The following NEK7 variants were observed in gnomAD, a reference collection of about 807,000 sequenced individuals.
The protein encoded by NEK7 is serine/threonine-protein kinase Nek7.
A neutral mutation model predicts 44.6 loss-of-function variants in NEK7; 18 were observed. The ratio of observed to expected loss-of-function variants is 0.40; its 90% CI spans 0.28 to 0.60. The LOEUF is 0.60. NEK7 is among the 20% of genes least tolerant of loss of function. The pLI, the probability that NEK7 is intolerant of heterozygous loss-of-function variation, is 0.38. For synonymous variants in NEK7, 130 were observed against 121.1 expected, an observed-to-expected ratio of 1.07 and a Z score of -0.48; for missense variants, 256 against 366.5, an observed-to-expected ratio of 0.70 and a Z score of 2.46.
chr1:198,312,727 G>T (rs1197683133), intron 9 of NEK7, among the ~76,000 whole-genome samples: 1 of 151,236 alleles, frequency 6.6e-6, no homozygotes, highest in African/African-American at 2.4e-5. Context: ...AGGTTGTTCA[G>T]TTTCCATGTA....
intron 1 of NEK7, among the ~76,000 whole-genome samples, chr1:198,159,269 C>T (rs1401555775): frequency 6.6e-6 from 1 of 151,604 alleles, no homozygotes; most frequent in Non-Finnish European, 1.5e-5. Context: ...GCGGAAGGGG[C>T]GCCAGGCTGA....
chr1:198,299,546 T>A (rs768379108), intron 9 of NEK7, among the ~76,000 whole-genome samples: 2 of 152,198 alleles, frequency 1.3e-5, no homozygotes, highest in East Asian at 3.8e-4. Flanking sequence ...CAGTGAACTT[T>A]TAATTAAAAG....
intron 5 of NEK7, among the ~76,000 whole-genome samples, chr1:198,270,574 T>G (rs2102965272): frequency 6.6e-6 from 1 of 152,214 alleles, no homozygotes. Flanking sequence ...AAGACCATCA[T>G]TTCTTATTTC....
chr1:198,277,525 A>G (rs1264601545), intron 5 of NEK7, among the ~76,000 whole-genome samples: 1 of 151,892 alleles, frequency 6.6e-6, no homozygotes, highest in East Asian at 1.9e-4. Flanking sequence ...GATATTTCAA[A>G]TCACCAGGGT....
chr1:198,157,764 A>G (rs541999159), intron 1 of NEK7, among the ~76,000 whole-genome samples: 19 of 152,286 alleles, frequency 1.2e-4, no homozygotes, highest in African/African-American at 4.6e-4. Flanking sequence ...GAGCCGGCAG[A>G]TAGGGGAGAA....
At chr1:198,295,624 T>G (rs1231756044) in intron 8 of NEK7, among the ~76,000 whole-genome samples, 1 of 146,312 alleles carries the variant, frequency 6.8e-6, no homozygotes, top group Non-Finnish European at 1.5e-5. Context: ...ACATTCAGAT[T>G]TTTTTTTTTT....
At chr1:198,181,354 C>G (rs995701361) in intron 1 of NEK7, among the ~76,000 whole-genome samples, 4 of 152,086 alleles carry the variant, frequency 2.6e-5, no homozygotes, top group Non-Finnish European at 5.9e-5. Flanking sequence ...TAGTGAGGCT[C>G]TGCTCTGGGA....
intron 1 of NEK7, among the ~76,000 whole-genome samples, chr1:198,188,742 A>G (rs1203712607): frequency 6.6e-6 from 1 of 152,188 alleles, no homozygotes; most frequent in Non-Finnish European, 1.5e-5. Flanking sequence ...AATGTGCATG[A>G]AATAGTATAG....
At chr1:198,277,405 T>C (rs1654049865) in intron 5 of NEK7, among the ~76,000 whole-genome samples, 1 of 151,866 alleles carries the variant, frequency 6.6e-6, no homozygotes. Flanking sequence ...TGGAGTTTAG[T>C]TTCATTCATT....
At chr1:198,181,317 G>A (rs558599150) in intron 1 of NEK7, among the ~76,000 whole-genome samples, 1 of 152,128 alleles carries the variant, frequency 6.6e-6, no homozygotes, top group East Asian at 1.9e-4. Flanking sequence ...TTCAGTAAGG[G>A]TGTCTTAGGA....
intron 1 of NEK7, among the ~76,000 whole-genome samples, chr1:198,207,475 A>G (rs1665631681): frequency 6.6e-6 from 1 of 152,150 alleles, no homozygotes; most frequent in South Asian, 2.1e-4. Context: ...GACCCCCCTC[A>G]GTTGGAGAAT....
In NEK7 at chr1:198,278,974, T is replaced by C; in HGVS notation, c.502T>C (p.Phe168Leu). 1.9e-6 allele frequency: 3 copies of C among 1,607,296 alleles called. No individual in the cohort carries two copies. The highest frequency in any genetic ancestry group is 2.6e-6 in the Non-Finnish European group (3 of 1,174,846). ...MHRDIKPANV[F>L]ITATGVVKLG... is the part of the protein sequence containing the mutation. ...CACAGATATAAAACCAGCTAATGTG[T>C]TCATTACAGCCACTGGGGTGGTAAA... The change falls in exon 7 of 10, where the codon TTC becomes CTC. Residue 168 changes from phenylalanine to leucine, a missense_variant. By Grantham distance (22) the Phe-to-Leu change is conservative (BLOSUM62 0). Transcript: ENST00000367385.
chr1:198,288,392 G>T (rs1214586843), intron 7 of NEK7, among the ~76,000 whole-genome samples: 2 of 152,168 alleles, frequency 1.3e-5, no homozygotes, highest in African/African-American at 4.8e-5. Context: ...CATTGAACCT[G>T]GACCCTTATT....
chr1:198,212,475 G>A (rs972733588), intron 1 of NEK7, among the ~76,000 whole-genome samples: 1 of 152,164 alleles, frequency 6.6e-6, no homozygotes, highest in African/African-American at 2.4e-5. Flanking sequence ...CTCCCAATGG[G>A]GATTCTTTTG....
At chr1:198,215,262 C>G (rs970820617) in intron 1 of NEK7, among the ~76,000 whole-genome samples, 4 of 152,026 alleles carry the variant, frequency 2.6e-5, no homozygotes, top group African/African-American at 9.7e-5. Flanking sequence ...AAAACAATAA[C>G]AAAATGAAGA....
chr1:198,205,953 G>A (rs1665585736), intron 1 of NEK7, among the ~76,000 whole-genome samples: 1 of 152,110 alleles, frequency 6.6e-6, no homozygotes, highest in African/African-American at 2.4e-5. Context: ...GGGGGAAAGA[G>A]GAGGGAAAGA....
intron 5 of NEK7, among the ~76,000 whole-genome samples, chr1:198,267,735 G>T (rs1279338025): frequency 6.6e-6 from 1 of 151,976 alleles, no homozygotes; most frequent in Admixed American, 6.6e-5. Flanking sequence ...GAGCCACTGT[G>T]TCCAGCCTGT....
chr1:198,242,253 A>T (rs1294807794), intron 2 of NEK7, among the ~76,000 whole-genome samples: 1 of 151,984 alleles, frequency 6.6e-6, no homozygotes, highest in Non-Finnish European at 1.5e-5. Context: ...CCAGTTCTCC[A>T]TGCAGCATCA....
At chr1:198,234,876 G>T (rs1410716079) in intron 2 of NEK7, among the ~76,000 whole-genome samples, 1 of 152,172 alleles carries the variant, frequency 6.6e-6, no homozygotes, top group Non-Finnish European at 1.5e-5. Context: ...CTGATGGTGT[G>T]AGACAGTGTA....
Sources: allele counts gnomAD v4.1 joint callset (sites outside exome capture counted in the v4.1 genomes callset), GRCh38; gene constraint gnomAD v4.1.1; transcripts MANE v1.5; gene names NCBI Gene and HGNC (gene_info 2026-07-23, HGNC 2026-07-21).